PCDH15: variants seen among roughly 807,000 people sequenced by gnomAD.
The protein encoded by PCDH15 is protocadherin-15.
Under a neutral mutation model 178.5 loss-of-function variants are expected in PCDH15, and 129 were observed. That is an observed-to-expected ratio of 0.72 (90% CI 0.63 to 0.84). The LOEUF (loss-of-function observed/expected upper bound fraction) is 0.84. Among genes scored for constraint, PCDH15 ranks in the 40% least tolerant of loss-of-function variants. PCDH15 has a pLI of 0.00. For synonymous variants in PCDH15, 800 were observed against 732.0 expected (o/e 1.09, Z -1.50); for missense variants, 2,230 against 2,099.9 (o/e 1.06, Z -1.21).
At chr10:55,427,060 G>C (rs2132052472) in intron 2 of PCDH15, among the ~76,000 whole-genome samples, 1 of 152,062 alleles carries the variant, frequency 6.6e-6, no homozygotes, top group African/African-American at 2.4e-5. Context: ...CTCACTTTGG[G>C]CCACAGCTTC....
chr10:54,973,715 G>A (rs1838992639), intron 2 of PCDH15, among the ~76,000 whole-genome samples: 1 of 152,084 alleles, frequency 6.6e-6, no homozygotes, highest in South Asian at 2.1e-4. Flanking sequence ...AAGGCTTACT[G>A]ACATCATGAC....
chr10:54,673,116 G>T (rs975766954), intron 1 of PCDH15, among the ~76,000 whole-genome samples: 5 of 152,018 alleles, frequency 3.3e-5, no homozygotes, highest in Admixed American at 6.6e-5. Flanking sequence ...TACATGTCCA[G>T]AATGTGTAGG....
intron 2 of PCDH15, among the ~76,000 whole-genome samples, chr10:55,353,660 A>C (rs12356412): frequency 0.55 from 83,491 of 151,774 alleles, 23,526 homozygotes; most frequent in African/African-American, 0.66. Flanking sequence ...GGACTCTAAT[A>C]AAGTTCAGGC....
chr10:54,404,363 G>T (rs566964549), intron 3 of PCDH15, among the ~76,000 whole-genome samples: 1 of 151,908 alleles, frequency 6.6e-6, no homozygotes, highest in African/African-American at 2.4e-5. Flanking sequence ...CAGAAACAAG[G>T]TCACATGCCT....
chr10:54,729,164 A>G (rs1016988844), intron 1 of PCDH15, among the ~76,000 whole-genome samples: 1 of 151,782 alleles, frequency 6.6e-6, no homozygotes, highest in African/African-American at 2.4e-5. Context: ...ACCTGACTTT[A>G]AATTATACGA....
chr10:54,469,211 C>G (rs546121850), intron 3 of PCDH15, among the ~76,000 whole-genome samples: 2 of 152,164 alleles, frequency 1.3e-5, no homozygotes, highest in Admixed American at 1.3e-4. Context: ...TTTCTCCCAC[C>G]TCTGCCTCCT....
chr10:55,543,379 G>GCA (rs1554795081), intron 2 of PCDH15, among the ~76,000 whole-genome samples: 2 of 146,942 alleles, frequency 1.4e-5, no homozygotes, highest in African/African-American at 5.0e-5. Flanking sequence ...TATAATGCCT[G>GCA]TATATATATA....
chr10:54,581,645 A>G (rs12773213), intron 2 of PCDH15, among the ~76,000 whole-genome samples: 20,721 of 152,158 alleles, frequency 0.14, 1,692 homozygotes, highest in Non-Finnish European at 0.19. Flanking sequence ...GAAAAAAGCC[A>G]GAGGCATCAT....
At chr10:55,264,423 G>A (rs1842228001) in intron 1 of PCDH15, among the ~76,000 whole-genome samples, 1 of 152,110 alleles carries the variant, frequency 6.6e-6, no homozygotes, top group Non-Finnish European at 1.5e-5. Context: ...GCATAGGTGA[G>A]GCCGGTCAAT....
chr10:54,828,998 T>C (rs889198529), intron 3 of PCDH15, among the ~76,000 whole-genome samples: 2 of 151,924 alleles, frequency 1.3e-5, no homozygotes, highest in Admixed American at 1.3e-4. Context: ...CGTGAGAACA[T>C]AGCATATTAA....
At chr10:54,268,875 C>T (rs12255610) in intron 8 of PCDH15, among the ~76,000 whole-genome samples, 8,898 of 151,744 alleles carry the variant, frequency 0.059, 709 homozygotes, top group African/African-American at 0.18. Flanking sequence ...AACTATCAGA[C>T]GAAGAATGTC....
intron 2 of PCDH15, among the ~76,000 whole-genome samples, chr10:55,422,355 G>A (rs933014297): frequency 1.3e-5 from 2 of 151,806 alleles, no homozygotes; most frequent in East Asian, 1.9e-4. Context: ...CATATTTTGA[G>A]TTGTGCATGA....
intron 2 of PCDH15, among the ~76,000 whole-genome samples, chr10:55,077,464 C>G (rs1262048387): frequency 7.0e-6 from 1 of 143,190 alleles, no homozygotes; most frequent in Non-Finnish European, 1.5e-5. Flanking sequence ...TCCTTCCTTC[C>G]TTTCCTTCCT....
At chr10:54,013,921 G>T (rs60750372) in intron 20 of PCDH15, among the ~76,000 whole-genome samples, 26,223 of 151,324 alleles carry the variant, frequency 0.17, 2,774 homozygotes, top group Non-Finnish European at 0.24. Flanking sequence ...TCAACTGAAG[G>T]AAATTGAGAT....
chr10:54,621,523 C>A (rs1269277235), intron 2 of PCDH15, among the ~76,000 whole-genome samples: 1 of 151,972 alleles, frequency 6.6e-6, no homozygotes, highest in Non-Finnish European at 1.5e-5. Flanking sequence ...GCAGATAACT[C>A]AATTTTTCAT....
intron 18 of PCDH15, among the ~76,000 whole-genome samples, chr10:54,023,411 GATA>G (rs1303787484): frequency 6.6e-5 from 10 of 151,118 alleles, no homozygotes; most frequent in Non-Finnish European, 1.2e-4. Context: ...AACAAAAACG[GATA>G]ATGTCATTAG....
At chr10:54,741,559 G>T (rs866439809) in intron 1 of PCDH15, among the ~76,000 whole-genome samples, 2 of 151,970 alleles carry the variant, frequency 1.3e-5, no homozygotes, top group African/African-American at 4.8e-5. Context: ...CAACACAAAT[G>T]TATCTTATAA....
At chr10:55,583,797 C>T (rs1257962843) in intron 2 of PCDH15, among the ~76,000 whole-genome samples, 2 of 152,124 alleles carry the variant, frequency 1.3e-5, no homozygotes, top group African/African-American at 2.4e-5. Context: ...ATCTTTTCAC[C>T]ACTTTTATAA....
intron 2 of PCDH15, among the ~76,000 whole-genome samples, chr10:55,627,148 C>T (rs1185576404): frequency 5.3e-5 from 8 of 151,780 alleles, no homozygotes; most frequent in Admixed American, 5.3e-4. Context: ...CACCCCCTCC[C>T]CGTTTACATA....
Sources: gnomAD v4.1 joint callset for allele counts (sites outside exome capture counted in the v4.1 genomes callset) on GRCh38, gnomAD v4.1.1 for gene constraint, MANE v1.5 for transcripts, NCBI Gene and HGNC (gene_info 2026-07-23, HGNC 2026-07-21) for gene names.